EPC1: variants seen among roughly 807,000 people sequenced by gnomAD.
The protein encoded by EPC1 is enhancer of polycomb 1.
EPC1 carries 12 observed loss-of-function variants against 98.4 expected under a neutral mutation model. The observed-to-expected ratio is 0.12, with a 90% CI of 0.08 to 0.20. EPC1 has a LOEUF of 0.20. Among genes scored for constraint, EPC1 ranks in the 10% least tolerant of loss-of-function variants. EPC1 has a pLI of 1.00. For synonymous variants in EPC1, 357 were observed against 363.9 expected, an observed-to-expected ratio of 0.98 and a Z score of 0.21; for missense variants, 729 against 990.5, an observed-to-expected ratio of 0.74 and a Z score of 3.54.
chr10:32,313,317 G>A (rs1836357516), intron 1 of EPC1, among the ~76,000 whole-genome samples: 1 of 152,136 alleles, frequency 6.6e-6, no homozygotes, highest in Admixed American at 6.5e-5. Flanking sequence ...TAAATTTACT[G>A]AGTGCTAACC....
chr10:32,305,715 A>G, intron 2 of EPC1, 57 bp downstream of exon 2: 1 of 1,411,530 alleles, frequency 7.1e-7, no homozygotes, highest in Non-Finnish European at 9.3e-7. Flanking sequence ...AAAATCTGTC[A>G]AGTTACATAA....
At chr10:32,365,971 T>G (rs1839592764) in intron 1 of EPC1, among the ~76,000 whole-genome samples, 1 of 150,044 alleles carries the variant, frequency 6.7e-6, no homozygotes, top group African/African-American at 2.5e-5. Context: ...CCGTCTCTAC[T>G]AAAAATACAC....
At chr10:32,377,909 G>C (rs532624282) in intron 1 of EPC1, among the ~76,000 whole-genome samples, 2 of 152,230 alleles carry the variant, frequency 1.3e-5, no homozygotes, top group South Asian at 4.1e-4. Context: ...CTAATGAAGA[G>C]CTTCAAAGAA....
chr10:32,282,837 T>TA (rs1836479668), intron 10 of EPC1: 1 of 152,218 alleles, frequency 6.6e-6, no homozygotes, highest in Non-Finnish European at 1.5e-5. Flanking sequence ...TGAGAAGTCT[T>TA]AAAGAATTTT....
chr10:32,271,729 T>C lies in EPC1; in HGVS notation c.2194A>G (p.Ile732Val), dbSNP rs1371713142. ...ACTGATGAAGGTACAGTTAATCGAA[T>C]GTTGTTCCCAATCAGAACCTGAGTT... ...ATTQVLIGNN[I>V]RLTVPSSVAT... Residue 732 changes from isoleucine to valine, a missense_variant, in exon 13 of 14, where the codon ATT becomes GTT. Physicochemically the swap from Ile to Val is conservative, Grantham distance 29. Around this residue, in one of 6 missense-constraint regions of EPC1, gnomAD observed 156 missense variants for 188.9 expected, o/e 0.83. Coordinates refer to ENST00000319778, the MANE Select transcript of EPC1 (RefSeq NM_001272004.3). 1.2e-6 allele frequency: 2 copies of C among 1,614,212 alleles called. No individual in the cohort carries two copies. The highest frequency in any genetic ancestry group is 2.2e-5 in the East Asian group (1 of 44,884).
chr10:32,299,985 C>T (rs962583771), intron 2 of EPC1, among the ~76,000 whole-genome samples: 5 of 151,562 alleles, frequency 3.3e-5, no homozygotes, highest in Non-Finnish European at 5.9e-5. Context: ...GCGATCTCAG[C>T]TCACTGCAAG....
chr10:32,344,047 A>G (rs2133048880), intron 1 of EPC1, among the ~76,000 whole-genome samples: 1 of 152,360 alleles, frequency 6.6e-6, no homozygotes, highest in East Asian at 1.9e-4. Flanking sequence ...TAATAAGATA[A>G]CAAATAACTA....
At chr10:32,339,122 C>T (rs1036467282) in intron 1 of EPC1, among the ~76,000 whole-genome samples, 1 of 152,124 alleles carries the variant, frequency 6.6e-6, no homozygotes, top group African/African-American at 2.4e-5. Context: ...ATCCATGCAC[C>T]TTTACTTCCA....
intron 1 of EPC1, among the ~76,000 whole-genome samples, chr10:32,359,226 A>T (rs1365144140): frequency 6.6e-6 from 1 of 152,226 alleles, no homozygotes; most frequent in South Asian, 2.1e-4. Context: ...AGATCTTATA[A>T]ATTTAAAATA....
chr10:32,281,025 T>C (rs1836385259), intron 10 of EPC1, among the ~76,000 whole-genome samples: 1 of 152,120 alleles, frequency 6.6e-6, no homozygotes, highest in South Asian at 2.1e-4. Context: ...CTTTGTTTCA[T>C]GCATAATTTT....
In EPC1 at chr10:32,306,056, A is replaced by G. The variant is rs1564537338; in HGVS notation, c.154-125T>C. On this transcript the variant is annotated intron_variant, in intron 1 of 13. Coordinates refer to ENST00000319778, the MANE Select transcript of EPC1 (RefSeq NM_001272004.3). ...AGAGAGATTCTAGTAGTAGATCTTA[A>G]AAGCATGTTGTTAACACGATACAAC... 4.8e-6 allele frequency: 4 copies of G among 830,998 alleles called. No individual in the cohort carries two copies. The African/African-American group carries it at 5.3e-5, about 11-fold the overall frequency. 51.5% of individuals were successfully genotyped at this position (830,998 alleles called of 1,614,324 possible). A position where few individuals can be genotyped will look rare whatever the true frequency, so the allele number is the denominator to read the frequency against.
intron 10 of EPC1, among the ~76,000 whole-genome samples, chr10:32,281,241 C>T (rs1204964034): frequency 6.6e-6 from 1 of 152,180 alleles, no homozygotes; most frequent in Non-Finnish European, 1.5e-5. Context: ...GCCATGTTGG[C>T]CAGGCTGGTC....
At chr10:32,322,238 A>T (rs1390442309) in intron 1 of EPC1, among the ~76,000 whole-genome samples, 1 of 151,930 alleles carries the variant, frequency 6.6e-6, no homozygotes, top group East Asian at 1.9e-4. Context: ...AAAATAGAAA[A>T]CTATTAAAAT....
At chr10:32,373,324 A>G (rs1839803355) in intron 1 of EPC1, among the ~76,000 whole-genome samples, 2 of 152,202 alleles carry the variant, frequency 1.3e-5, no homozygotes, top group Admixed American at 6.5e-5. Flanking sequence ...CTCTAATCAA[A>G]TGTTGTTTTT....
chr10:32,301,630 C>T (rs74128033), intron 2 of EPC1, among the ~76,000 whole-genome samples: 1 of 152,104 alleles, frequency 6.6e-6, no homozygotes, highest in Non-Finnish European at 1.5e-5. Context: ...ATCCACACAA[C>T]AATGTCCAGT....
chr10:32,345,774 T>A (rs1838734233), intron 1 of EPC1, among the ~76,000 whole-genome samples: 1 of 152,236 alleles, frequency 6.6e-6, no homozygotes, highest in Admixed American at 6.5e-5. Context: ...TATTAAGATT[T>A]CTGTGAATCA....
At chr10:32,340,248 T>G (rs1000763665) in intron 1 of EPC1, among the ~76,000 whole-genome samples, 42 of 152,346 alleles carry the variant, frequency 2.8e-4, no homozygotes, top group African/African-American at 9.1e-4. Flanking sequence ...TTTTAAAAAA[T>G]TGATTGTATC....
chr10:32,294,038 T>C (rs1835000500), intron 2 of EPC1, among the ~76,000 whole-genome samples: 1 of 152,202 alleles, frequency 6.6e-6, no homozygotes. Flanking sequence ...AAAGCGATCA[T>C]TAAAACTTAT....
upstream of EPC1, among the ~76,000 whole-genome samples, chr10:32,350,678 A>C (rs957794920): frequency 6.6e-6 from 1 of 152,234 alleles, no homozygotes. Context: ...ATGAGTTTTC[A>C]TGGTAATAAT....
Sources: allele counts gnomAD v4.1 joint callset (sites outside exome capture counted in the v4.1 genomes callset), GRCh38; gene constraint gnomAD v4.1.1; regional missense constraint gnomAD v4.1.1; transcripts MANE v1.5; gene names NCBI Gene and HGNC (gene_info 2026-07-23, HGNC 2026-07-21).